PELI1: variants seen among roughly 807,000 people sequenced by gnomAD.
PELI1 encodes the protein E3 ubiquitin-protein ligase pellino homolog 1.
PELI1 carries 15 observed loss-of-function variants against 41.3 expected under a neutral mutation model. The observed-to-expected ratio is 0.36, with a 90% CI of 0.24 to 0.56. The LOEUF (loss-of-function observed/expected upper bound fraction) is 0.56, where lower values mean the gene tolerates loss of function less well. Ranked by LOEUF, PELI1 falls within the 20% of genes least tolerant of loss-of-function variation. The pLI, the probability that PELI1 is intolerant of heterozygous loss-of-function variation, is 0.82. For missense variants in PELI1, 403 were observed against 525.5 expected, an observed-to-expected ratio of 0.77 and a Z score of 2.28; for synonymous variants, 178 against 180.1, an observed-to-expected ratio of 0.99 and a Z score of 0.09.
rs118058955 is a variant in PELI1 at position 64,113,631 on chromosome 2, A to T, written c.-69-5252T>A. Among the ~76,000 whole-genome samples the T allele has an allele frequency of 1.9e-3, 284 of 152,304 alleles. 5 individuals carry two copies. In the East Asian group the frequency reaches 0.044, roughly 23 times the overall value. Reference sequence around the variant, plus strand: ...ACTAAACTTCCAGAGTTAAAAAAAAATTTTAAAATAAACATATTCTGGAAT... The same window carrying T: ...ACTAAACTTCCAGAGTTAAAAAAAATTTTTAAAATAAACATATTCTGGAAT... On this transcript the variant is annotated intron_variant, in intron 1 of 6. Coordinates refer to ENST00000358912, the MANE Select transcript of PELI1 (RefSeq NM_020651.4).
chr2:64,138,521 G>C (rs1441672292), intron 1 of PELI1, among the ~76,000 whole-genome samples: 2 of 152,146 alleles, frequency 1.3e-5, no homozygotes, highest in African/African-American at 4.8e-5. Flanking sequence ...GAGGTCAGGA[G>C]TTTCAGACCG....
chr2:64,121,345 T>C (rs1406267827), intron 1 of PELI1, among the ~76,000 whole-genome samples: 1 of 152,166 alleles, frequency 6.6e-6, no homozygotes, highest in African/African-American at 2.4e-5. Flanking sequence ...TAACAAAACC[T>C]GAGGTCCTGC....
chr2:64,142,978 G>A (rs761262231), intron 1 of PELI1, among the ~76,000 whole-genome samples: 1 of 152,152 alleles, frequency 6.6e-6, no homozygotes, highest in Non-Finnish European at 1.5e-5. Flanking sequence ...AGCACAACCA[G>A]CACCTTATGA....
At chr2:64,137,410 T>C (rs955120447) in intron 1 of PELI1, among the ~76,000 whole-genome samples, 1 of 152,216 alleles carries the variant, frequency 6.6e-6, no homozygotes, top group East Asian at 1.9e-4. Context: ...TAGTCTTGAA[T>C]GCAGAATATA....
rs1176585228 is a variant in PELI1 at position 64,094,043 on chromosome 2, A to AAAAC, written c.*655_*658dup. On this transcript the variant is annotated 3_prime_UTR_variant, in exon 7 of 7. Transcript: ENST00000358912. ...TTCCTGATTATCTTCAATGTTGTTA[A>AAAAC]AAACAAACACCTTTCACGCGGGTAA... 6.5e-6 allele frequency: 1 copy of AAAAC among 152,684 alleles called. No individual in the cohort carries two copies. The highest frequency in any genetic ancestry group is 2.4e-5 in the African/African-American group (1 of 41,470). 9.5% of individuals were successfully genotyped at this position (152,684 alleles called of 1,614,324 possible).
At chr2:64,101,806 C>G (rs150043960) in intron 3 of PELI1, among the ~76,000 whole-genome samples, 4 of 150,646 alleles carry the variant, frequency 2.7e-5, no homozygotes, top group African/African-American at 9.8e-5. Context: ...AAGCTTAATA[C>G]TGCCACTTTT....
rs1407100614 is a variant in PELI1 at position 64,094,559 on chromosome 2, CTATT to C, written c.*139_*142del. ...CCAGATTTTTGCTCAGAAATTGCTA[CTATT>C]TATTATAAATGTTTTAAAAAATTCT... On this transcript the variant is annotated 3_prime_UTR_variant, in exon 7 of 7. Transcript: ENST00000358912. 5 of 526,696 alleles carry C rather than the reference CTATT, an allele frequency of 9.5e-6. No individual in the cohort carries two copies. 32.6% of individuals were successfully genotyped at this position (526,696 alleles called of 1,614,324 possible). A position where few individuals can be genotyped will look rare whatever the true frequency, so the allele number is the denominator to read the frequency against.
intron 4 of PELI1, among the ~76,000 whole-genome samples, chr2:64,098,564 A>G (rs780968293): frequency 6.6e-6 from 1 of 152,248 alleles, no homozygotes; most frequent in Non-Finnish European, 1.5e-5. Flanking sequence ...GCACCAGTGT[A>G]AAGTCTTTTC....
chr2:64,115,486 A>C (rs1680961777), intron 1 of PELI1, among the ~76,000 whole-genome samples: 1 of 152,172 alleles, frequency 6.6e-6, no homozygotes, highest in Non-Finnish European at 1.5e-5. Context: ...AGCCCTGTGA[A>C]TTGGGTAGGA....
At chr2:64,134,922 A>G (rs984747945) in intron 1 of PELI1, among the ~76,000 whole-genome samples, 6 of 152,186 alleles carry the variant, frequency 3.9e-5, no homozygotes, top group Admixed American at 1.3e-4. Context: ...GAGCACTACA[A>G]TGAGTTACTA....
At chr2:64,116,414 C>A (rs569051897) in intron 1 of PELI1, among the ~76,000 whole-genome samples, 19 of 152,288 alleles carry the variant, frequency 1.2e-4, no homozygotes, top group African/African-American at 4.3e-4. Flanking sequence ...CATAAAGCAG[C>A]AAATTCAGTG....
chr2:64,140,372 AC>A (rs1681860342), intron 1 of PELI1, among the ~76,000 whole-genome samples: 1 of 152,216 alleles, frequency 6.6e-6, no homozygotes, highest in African/African-American at 2.4e-5. Context: ...CAGGGGCGAT[AC>A]AAGAGTACTA....
At chr2:64,129,833 C>A (rs563641427) in intron 1 of PELI1, among the ~76,000 whole-genome samples, 1 of 152,104 alleles carries the variant, frequency 6.6e-6, no homozygotes, top group Non-Finnish European at 1.5e-5. Flanking sequence ...TATTGATGAT[C>A]CACATAAAGT....
At chr2:64,139,595 A>AT (rs1681828949) in intron 1 of PELI1, among the ~76,000 whole-genome samples, 1 of 152,162 alleles carries the variant, frequency 6.6e-6, no homozygotes, top group African/African-American at 2.4e-5. Context: ...GCGCCCAGCC[A>AT]TTTTTCTTAA....
At chr2:64,140,760 T>C (rs997251281) in intron 1 of PELI1, among the ~76,000 whole-genome samples, 3 of 90,810 alleles carry the variant, frequency 3.3e-5, no homozygotes, top group African/African-American at 4.5e-5. Context: ...GAAGGAAAAA[T>C]AGAAGTGATC....
intron 1 of PELI1, among the ~76,000 whole-genome samples, chr2:64,143,813 T>TCGGAGTTGGCCGCCGCGCGCCC (rs1431277892): frequency 1.5e-4 from 22 of 151,466 alleles, no homozygotes; most frequent in African/African-American, 5.3e-4. Flanking sequence ...GGCGCGGGGC[T>TCGGAGTTGGCCGCCGCGCGCCC]CGGAGTTGGC....
intron 4 of PELI1, among the ~76,000 whole-genome samples, chr2:64,097,575 T>A (rs1200210334): frequency 2.0e-5 from 3 of 152,128 alleles, no homozygotes; most frequent in African/African-American, 7.2e-5. Context: ...AGGAAATCAA[T>A]GGGGAGATGA....
chr2:64,105,426 A>G (rs1558475186), intron 2 of PELI1, among the ~76,000 whole-genome samples: 1 of 152,160 alleles, frequency 6.6e-6, no homozygotes, highest in African/African-American at 2.4e-5. Flanking sequence ...CCATTTCTCC[A>G]TAACATGTAC....
rs982899462 is a variant in PELI1 at position 64,125,244 on chromosome 2, C to T, written c.-69-16865G>A. Among the ~76,000 whole-genome samples, 35 of 152,274 alleles carry T rather than the reference C, an allele frequency of 2.3e-4. 1 individual carries two copies. The highest frequency in any genetic ancestry group is 7.9e-4 in the African/African-American group (33 of 41,542). ...TCACTGGGTGAGACAAAAGTCCCAACCCTCTTAATTTCTTGGTCCTTCTGG... is the reference window on the plus strand; with the variant it reads ...TCACTGGGTGAGACAAAAGTCCCAATCCTCTTAATTTCTTGGTCCTTCTGG... On this transcript the variant is annotated intron_variant, in intron 1 of 6. Transcript: ENST00000358912.
Sources: gnomAD v4.1 joint callset for allele counts (sites outside exome capture counted in the v4.1 genomes callset) on GRCh38, gnomAD v4.1.1 for gene constraint, MANE v1.5 for transcripts, NCBI Gene and HGNC (gene_info 2026-07-23, HGNC 2026-07-21) for gene names.